The following P3H1 variants were observed in gnomAD, a reference collection of about 807,000 sequenced individuals.
P3H1 encodes prolyl 3-hydroxylase 1.
In P3H1, 69 loss-of-function variants were observed where a neutral mutation model predicts 84.0. The ratio of observed to expected loss-of-function variants is 0.82; its 90% CI spans 0.68 to 1.00. P3H1 has a LOEUF of 1.00. Ranked by LOEUF, P3H1 falls within the 50% of genes least tolerant of loss-of-function variation. The pLI is 0.00. For missense variants in P3H1, 878 were observed against 962.8 expected (o/e 0.91, Z 1.17); for synonymous variants, 366 against 388.8 (o/e 0.94, Z 0.69).
In P3H1 at chr1:42,748,195, C is replaced by A. The variant is rs377368053; in HGVS notation, c.1838+5G>T. 5.3e-4 allele frequency: 850 copies of A among 1,608,498 alleles called. No homozygotes were observed. Among genetic ancestry groups the A allele is most frequent in the Non-Finnish European group, 6.5e-4 (767 of 1,175,710 alleles). ...CTCCTCACCCTGCACCTGCCCCGCA[C>A]TCACCTGTAGTCGCGGAAGGTGTAG... On this transcript the variant is annotated splice_donor_5th_base_variant and intron_variant, in intron 12 of 14. Coordinates refer to ENST00000296388, the MANE Select transcript of P3H1 (RefSeq NM_022356.4).
At position 42,766,991 on chromosome 1, in the gene P3H1, G is replaced by T. The variant is rs750568581; in HGVS notation, c.-20C>A. 1.9e-6 allele frequency: 3 copies of T among 1,602,438 alleles called. No individual in the cohort carries two copies. Among genetic ancestry groups the T allele is most frequent in the Admixed American group, 1.7e-5 (1 of 59,694 alleles). ...CGCCATCGCTCCCTCAGACCTAACG[G>T]AACCGCCAGCCACCCGCCACCAAGG... On this transcript the variant is annotated 5_prime_UTR_variant, in exon 1 of 15. Coordinates refer to ENST00000296388, the MANE Select transcript of P3H1 (RefSeq NM_022356.4).
In P3H1 at chr1:42,747,079, C is replaced by T. The variant is rs116577636; in HGVS notation, c.2055+193G>A. The T allele has an allele frequency of 8.0e-3, 12,851 of 1,614,196 alleles. 60 individuals carry two copies. The highest frequency in any genetic ancestry group is 9.9e-3 in the Non-Finnish European group (11,663 of 1,180,048). On this transcript the variant is annotated intron_variant, in intron 14 of 14. Transcript: ENST00000296388. ...TTGACCTCTTTCCCCACCTGGATCC[C>T]GTTCACAGCAGGCCCAGGGAGGACA...
In P3H1 at chr1:42,746,447, C is replaced by T. The variant is rs1322132281; in HGVS notation, c.*250G>A. ...TAAGTACTGTATCGCTGTCATGCAGCGGCCTGTGGAGGCCCCTGGGGGTGG... is the reference window on the plus strand; with the variant it reads ...TAAGTACTGTATCGCTGTCATGCAGTGGCCTGTGGAGGCCCCTGGGGGTGG... On this transcript the variant is annotated 3_prime_UTR_variant, in exon 15 of 15. Coordinates refer to ENST00000296388, the MANE Select transcript of P3H1 (RefSeq NM_022356.4). The T allele has an allele frequency of 1.2e-5, 7 of 567,348 alleles. No homozygotes were observed. The highest frequency in any genetic ancestry group is 6.8e-5 in the South Asian group (3 of 44,056). The allele number at this position is 567,348 out of a possible 1,614,324, so 35.1% of individuals were successfully genotyped here.
In P3H1 at chr1:42,752,643, C is replaced by T. The variant is rs781335485; in HGVS notation, c.1367G>A (p.Gly456Asp). The T allele has an allele frequency of 7.7e-5, 125 of 1,614,044 alleles. 1 individual carries two copies. In the South Asian group the frequency reaches 8.8e-4, roughly 11 times the overall value. ...TREGGPLLYE[G>D]ISLTMNSKLL... ...TTTGGAGTTCATGGTGAGACTGATG[C>T]CTTCATACAGCAGGGGGCCACCTGC... is the stretch of plus-strand genomic sequence containing the variant. Residue 456 changes from glycine to aspartate, a missense_variant, in exon 9 of 15, where the codon GGC becomes GAC. Transcript: ENST00000296388.
At chr1:42,763,236 A>G (rs185153312) in intron 1 of P3H1, among the ~76,000 whole-genome samples, 248 of 152,256 alleles carry the variant, frequency 1.6e-3, no homozygotes, top group Non-Finnish European at 2.9e-3. Flanking sequence ...TTTTTTTTGC[A>G]TAAAATAAAA....
In P3H1 at chr1:42,754,623, G is replaced by T. The variant is rs1169270012; in HGVS notation, c.1345+246C>A. ...CTGCCTCAGCCTGCCAAGTAGCTGG[G>T]ATTACGGGTGTGCACCACTACATCC... On this transcript the variant is annotated intron_variant, in intron 8 of 14. Transcript: ENST00000296388. The surrounding 1 kb of genome is among the most constrained non-coding windows in gnomAD (Gnocchi z 4.0). Among the ~76,000 whole-genome samples, 2 of 152,120 alleles carry T rather than the reference G, an allele frequency of 1.3e-5. No homozygotes were observed. Among genetic ancestry groups the T allele is most frequent in the African/African-American group, 4.8e-5 (2 of 41,424 alleles).
intron 5 of P3H1, 76 bp from the exon 6 acceptor site, chr1:42,755,713 ACC>A: frequency 9.3e-7 from 1 of 1,075,792 alleles, no homozygotes; most frequent in South Asian, 1.3e-5. Flanking sequence ...CCTCCCTGGC[ACC>A]CCACACTGAT....
chr1:42,758,003 G>A, intron 4 of P3H1, 81 bp from the exon 5 acceptor site: 2 of 1,306,004 alleles, frequency 1.5e-6, no homozygotes, highest in Non-Finnish European at 2.2e-6. Context: ...ACCACTTAGT[G>A]TTCAGTCTCC....
Position 42,767,007 on chromosome 1 carries a change from G to T in P3H1, c.-36C>A, listed in dbSNP as rs777556675. On this transcript the variant is annotated 5_prime_UTR_variant, in exon 1 of 15. Transcript: ENST00000296388. ...GACCTAACGGAACCGCCAGCCACCC[G>T]CCACCAAGGCCGGAGTCCTACCCCC... 1.9e-6 allele frequency: 3 copies of T among 1,595,562 alleles called. No homozygotes were observed. Among genetic ancestry groups the T allele is most frequent in the Non-Finnish European group, 2.6e-6 (3 of 1,175,844 alleles).
intron 5 of P3H1, among the ~76,000 whole-genome samples, chr1:42,756,140 G>A (rs1652391056): frequency 6.6e-6 from 1 of 152,178 alleles, no homozygotes; most frequent in Non-Finnish European, 1.5e-5. Context: ...ACTGTCTAAG[G>A]TGACACTACA....
chr1:42,765,876 T>A (rs1652959219), intron 1 of P3H1, among the ~76,000 whole-genome samples: 1 of 152,092 alleles, frequency 6.6e-6, no homozygotes, highest in Non-Finnish European at 1.5e-5. Flanking sequence ...ATCATCATCA[T>A]CATCGTCACC....
intron 4 of P3H1, 31 bp from the exon 5 acceptor site, chr1:42,757,953 G>C: frequency 1.3e-6 from 2 of 1,599,578 alleles, no homozygotes; most frequent in Non-Finnish European, 8.6e-7. Context: ...TGGCTGAGAG[G>C]AAAGAGTCAA....
chr1:42,747,956 C>T (rs543192770), intron 12 of P3H1, among the ~76,000 whole-genome samples, 158 bp from the exon 13 acceptor site: 1 of 152,304 alleles, frequency 6.6e-6, no homozygotes, highest in African/African-American at 2.4e-5. Flanking sequence ...TCCACCTTTC[C>T]ACTCTCCACC....
In P3H1 at chr1:42,766,946, A is replaced by G. The variant is rs1302617531; in HGVS notation, c.26T>C (p.Leu9Pro). The G allele has an allele frequency of 4.3e-6, 7 of 1,609,288 alleles. No homozygotes were observed. The highest frequency in any genetic ancestry group is 1.3e-5 in the African/African-American group (1 of 75,058). MAVRALKL[L>P]TTLLAVVAAA... Reference sequence around the variant, plus strand: ...GGCCACGACAGCCAGCAGTGTGGTCAGCAGCTTCAACGCGCGTACCGCCAT... The same window carrying G: ...GGCCACGACAGCCAGCAGTGTGGTCGGCAGCTTCAACGCGCGTACCGCCAT... The change falls in exon 1 of 15, where the codon CTG becomes CCG. Residue 9 changes from leucine (L) to proline (P), a missense_variant. Transcript: ENST00000296388.
At chr1:42,757,033 G>A (rs913665895) in intron 5 of P3H1, among the ~76,000 whole-genome samples, 21 of 152,300 alleles carry the variant, frequency 1.4e-4, no homozygotes, top group African/African-American at 4.1e-4. Context: ...GATTGGCCAC[G>A]TGGGTTTATT....
rs759352609 is a variant in P3H1 at position 42,766,537 on chromosome 1, G to C, written c.435C>G (p.Pro145=). Residue 145 remains proline, a synonymous_variant, in exon 1 of 15, where the codon CCC becomes CCG. Transcript: ENST00000296388. ...AGTAGGCGACCTGCAGGTAGTTGTAGGGGCTCCGCTTGCGGAACTCCAGCT... is the reference window on the plus strand; with the variant it reads ...AGTAGGCGACCTGCAGGTAGTTGTACGGGCTCCGCTTGCGGAACTCCAGCT... ...EMELEFRKRS[P]YNYLQVAYFK... The C allele has an allele frequency of 1.3e-4, 208 of 1,612,162 alleles. No homozygotes were observed. The highest frequency in any genetic ancestry group is 1.4e-4 in the Non-Finnish European group (169 of 1,179,558).
At chr1:42,753,926 C>CAA (rs746934383) in intron 8 of P3H1, among the ~76,000 whole-genome samples, 2 of 124,454 alleles carry the variant, frequency 1.6e-5, no homozygotes, top group Non-Finnish European at 3.5e-5. Context: ...ACTCCATCTC[C>CAA]AAAAAAAAAA....
At chr1:42,750,009 A>C (rs548900025) in intron 11 of P3H1, 177 bp downstream of exon 11, 2 of 748,322 alleles carry the variant, frequency 2.7e-6, no homozygotes, top group Non-Finnish European at 4.3e-6. Context: ...TAGGTTGACT[A>C]TAACTTCCTC....
At chr1:42,753,344 T>C (rs1652214168) in intron 8 of P3H1, among the ~76,000 whole-genome samples, 1 of 152,234 alleles carries the variant, frequency 6.6e-6, no homozygotes, top group Non-Finnish European at 1.5e-5. Context: ...AATTAACCAC[T>C]GTTAATTTAA....
Sources: allele counts gnomAD v4.1 joint callset (sites outside exome capture counted in the v4.1 genomes callset), GRCh38; gene constraint gnomAD v4.1.1; non-coding constraint Gnocchi (gnomAD v3.1); transcripts MANE v1.5; gene names NCBI Gene and HGNC (gene_info 2026-07-23, HGNC 2026-07-21).